TNIP1: variants seen among roughly 807,000 people sequenced by gnomAD.
TNIP1 encodes the protein TNFAIP3 interacting protein 1, also known as TNFAIP3-interacting protein 1.
TNIP1 carries 22 observed loss-of-function variants against 86.6 expected under a neutral mutation model. The ratio of observed to expected loss-of-function variants is 0.25; its 90% CI spans 0.18 to 0.36. The LOEUF (loss-of-function observed/expected upper bound fraction) is 0.36. TNIP1 is among the 10% of genes least tolerant of loss of function. The probability of loss-of-function intolerance (pLI) is 1.00; values close to 1 mark genes in which losing one functional copy is unlikely to be tolerated. For missense variants in TNIP1, 709 were observed against 820.6 expected, an observed-to-expected ratio of 0.86 and a Z score of 1.66; for synonymous variants, 294 against 313.0, an observed-to-expected ratio of 0.94 and a Z score of 0.64.
chr5:151,047,306 C>T (rs1759302119), intron 8 of TNIP1, among the ~76,000 whole-genome samples: 1 of 152,174 alleles, frequency 6.6e-6, no homozygotes, highest in African/African-American at 2.4e-5. Flanking sequence ...ACTTGTGAGG[C>T]CTCAATCGTG....
chr5:151,054,121 C>T (rs2113582789), intron 6 of TNIP1, among the ~76,000 whole-genome samples: 1 of 152,340 alleles, frequency 6.6e-6, no homozygotes, highest in East Asian at 1.9e-4. Flanking sequence ...TCTCTTTTTC[C>T]TGGTAGCAGG....
intron 7 of TNIP1, among the ~76,000 whole-genome samples, chr5:151,051,207 T>C (rs1581801660): frequency 2.0e-5 from 3 of 152,208 alleles, no homozygotes; most frequent in Admixed American, 2.0e-4. Flanking sequence ...TGATTCAAAA[T>C]AGCCAGTGGC....
rs563776390 is a variant in TNIP1, at chr5:151,051,571, TCTGA to T, written c.722+590_722+593del. Among the ~76,000 whole-genome samples, 54 of 152,310 alleles carry T rather than the reference TCTGA, an allele frequency of 3.5e-4. 2 individuals carry two copies. In the South Asian group the frequency reaches 9.1e-3, roughly 26 times the overall value. On this transcript the variant is annotated intron_variant, in intron 7 of 17. Transcript: ENST00000521591. ...CATGATCTCCAAGGGCTTGTCAAGC[TCTGA>T]CAGTCAAGATCAGTGTTTCCCAAGG...
rs139116835 is a variant in TNIP1, at chr5:151,051,087, C to T, written c.722+1078G>A. Among the ~76,000 whole-genome samples the T allele has an allele frequency of 4.7e-4, 72 of 152,272 alleles. No individual in the cohort carries two copies. In the East Asian group the frequency reaches 0.013, roughly 26 times the overall value. On this transcript the variant is annotated intron_variant, in intron 7 of 17. Transcript: ENST00000521591. ...AGACTTGCATTCTTGCCTTCTAATC[C>T]GTGACTTTTTTCCCCAGCTTCAGTT...
In TNIP1 at chr5:151,035,022, G is replaced by C. The variant is rs1344402111; in HGVS notation, c.1567C>G (p.Gln523Glu). The C allele has an allele frequency of 6.2e-7, 1 of 1,614,138 alleles. No homozygotes were observed. The highest frequency in any genetic ancestry group is 1.3e-5 in the African/African-American group (1 of 75,044). The part of the protein sequence containing the change: ...DEEKAREALR[Q>E]QKRKAKASGE... ...CTCACCTTTGCTTTCCTCTTCTGCT[G>C]TCTGAGGGCTTCTCTTGCCTTCTCC... The change falls in exon 15 of 18, where the codon CAG becomes GAG. Residue 523 changes from glutamine (Q) to glutamate (E), a missense_variant. Gln to Glu is a conservative substitution (Grantham distance 29). Coordinates refer to ENST00000521591, the MANE Select transcript of TNIP1 (RefSeq NM_006058.5).
chr5:151,034,819 C>G (rs1581727026), intron 15 of TNIP1, 183 bp downstream of exon 15: 9 of 642,574 alleles, frequency 1.4e-5, no homozygotes, highest in Non-Finnish European at 2.5e-5. Flanking sequence ...ACAGTGATGA[C>G]AGCTAATACA....
At chr5:151,068,705 T>C (rs58314838) in intron 1 of TNIP1, among the ~76,000 whole-genome samples, 4,647 of 152,264 alleles carry the variant, frequency 0.031, 223 homozygotes, top group African/African-American at 0.1. Flanking sequence ...AGGATGGAGC[T>C]GGGACCAGAA....
chr5:151,066,094 CA>C (rs1318765297), intron 1 of TNIP1, among the ~76,000 whole-genome samples: 1 of 152,136 alleles, frequency 6.6e-6, no homozygotes, highest in African/African-American at 2.4e-5. Flanking sequence ...ATAAAACAGA[CA>C]AAAATCCTTC....
rs967371212 is a variant in TNIP1, at chr5:151,059,876, C to T, written c.435+442G>A. On this transcript the variant is annotated intron_variant, in intron 5 of 17. Coordinates refer to ENST00000521591, the MANE Select transcript of TNIP1 (RefSeq NM_006058.5). Reference sequence around the variant, plus strand: ...GTGTGTGTGTGTGTGTGCGCGCGCGCGCGCGCATGCGTGTAAGTGGAAAGT... The same window carrying T: ...GTGTGTGTGTGTGTGTGCGCGCGCGTGCGCGCATGCGTGTAAGTGGAAAGT... Among the ~76,000 whole-genome samples the T allele has an allele frequency of 4.6e-3, 499 of 108,182 alleles. 12 individuals are homozygous for T. In the East Asian group the frequency reaches 0.13, roughly 27 times the overall value. The allele number at this position is 108,182 out of a possible 152,430, so 71.0% of individuals were successfully genotyped here.
upstream of TNIP1, among the ~76,000 whole-genome samples, chr5:151,082,826 T>C (rs1212395471): frequency 2.0e-5 from 3 of 152,244 alleles, no homozygotes; most frequent in African/African-American, 7.2e-5. Flanking sequence ...CTCATTTATT[T>C]ATAAAGTCGT....
chr5:151,077,230 G>A (rs1763494500), intron 1 of TNIP1, among the ~76,000 whole-genome samples: 1 of 152,152 alleles, frequency 6.6e-6, no homozygotes, highest in South Asian at 2.1e-4. Context: ...CCCCTACCCC[G>A]TGATAGTGAC....
chr5:151,035,149 G>A lies in TNIP1; in HGVS notation c.1522-82C>T, dbSNP rs2233303. 1,604 of 1,471,658 alleles carry A rather than the reference G, an allele frequency of 1.1e-3. 3 individuals are homozygous for A. The highest frequency in any genetic ancestry group is 1.4e-3 in the Non-Finnish European group (1,460 of 1,071,748). The allele number at this position is 1,471,658 out of a possible 1,614,324, so 91.2% of individuals were successfully genotyped here. The stretch of plus-strand genomic sequence containing the variant: ...CTGGATCCAGGGCCTAACCAGCCAC[G>A]AGGACTGACCGGCTGATGCTTCCCT... On this transcript the variant is annotated intron_variant, in intron 14 of 17. Transcript: ENST00000521591.
chr5:151,044,421 A>G (rs1758863848), intron 9 of TNIP1, among the ~76,000 whole-genome samples: 1 of 152,110 alleles, frequency 6.6e-6, no homozygotes, highest in Non-Finnish European at 1.5e-5. Flanking sequence ...ACACACGTAT[A>G]TGTATAATTT....
At chr5:151,076,099 C>T (rs1763360268) in intron 1 of TNIP1, among the ~76,000 whole-genome samples, 1 of 152,248 alleles carries the variant, frequency 6.6e-6, no homozygotes, top group African/African-American at 2.4e-5. Context: ...AGCTGCTGCT[C>T]ACCAGTCATC....
intron 9 of TNIP1, among the ~76,000 whole-genome samples, chr5:151,044,770 T>G (rs1758918320): frequency 6.6e-6 from 1 of 151,072 alleles, no homozygotes; most frequent in Admixed American, 6.6e-5. Context: ...AGACTGGGGG[T>G]GTGAGGAGGG....
At chr5:151,035,753 T>G (rs772047544) in intron 13 of TNIP1, 46 bp from the exon 14 acceptor site, 9 of 1,608,040 alleles carry the variant, frequency 5.6e-6, no homozygotes, top group Non-Finnish European at 5.9e-6. Context: ...TGGTCCTGAG[T>G]GGGGATTTCT....
At chr5:151,032,645 A>G in intron 16 of TNIP1, 1 of 491,190 alleles carries the variant, frequency 2.0e-6, no homozygotes, top group Non-Finnish European at 3.7e-6. Context: ...CTTAAGCGCC[A>G]TACTATATAC....
intron 1 of TNIP1, among the ~76,000 whole-genome samples, chr5:151,086,632 AAG>A (rs1302069488): frequency 2.6e-4 from 39 of 152,100 alleles, no homozygotes; most frequent in African/African-American, 8.7e-4. Context: ...CCCACACAGA[AAG>A]ACACATACAC....
Position 151,030,526 on chromosome 5 carries a change from TG to T in TNIP1, c.*186del. The stretch of plus-strand genomic sequence containing the variant: ...CAGCAGAGTACAAATGAAAGCCTTC[TG>T]GGTGGAGCCTCCCCAGTCCTGTAAA... On this transcript the variant is annotated 3_prime_UTR_variant, in exon 18 of 18. Transcript: ENST00000521591. 1 of 854,816 alleles carries T rather than the reference TG, an allele frequency of 1.2e-6. No individual in the cohort carries two copies. Among genetic ancestry groups the T allele is most frequent in the Non-Finnish European group, 1.8e-6 (1 of 555,602 alleles). The allele number at this position is 854,816 out of a possible 1,614,324, so 53.0% of individuals were successfully genotyped here.
Sources: allele counts gnomAD v4.1 joint callset (sites outside exome capture counted in the v4.1 genomes callset), GRCh38; gene constraint gnomAD v4.1.1; transcripts MANE v1.5; gene names NCBI Gene and HGNC (gene_info 2026-07-23, HGNC 2026-07-21).